Variants in FRMPD3 observed in about 807,000 individuals in gnomAD.
The protein encoded by FRMPD3 is FERM and PDZ domain-containing protein 3.
In FRMPD3, 42 loss-of-function variants were observed where a neutral mutation model predicts 97.9. That is an observed-to-expected ratio of 0.43 (90% CI 0.34 to 0.55). The LOEUF (loss-of-function observed/expected upper bound fraction) is 0.55. Among genes scored for constraint, FRMPD3 ranks in the 20% least tolerant of loss-of-function variants. FRMPD3 has a pLI of 0.03. For missense variants in FRMPD3, 1,303 were observed against 1,457.7 expected (o/e 0.89, Z 1.73); for synonymous variants, 577 against 581.1 (o/e 0.99, Z 0.10).
At chrX:107,566,099 G>A (rs766580549) in intron 12 of FRMPD3, among the ~76,000 whole-genome samples, 1 of 112,644 alleles carries the variant, frequency 8.9e-6, no homozygotes, top group Non-Finnish European at 1.9e-5. Context: ...TGTCGCCTGT[G>A]CAAAGTCTGG....
intron 1 of FRMPD3, among the ~76,000 whole-genome samples, chrX:107,525,045 C>CA (rs1056181603): frequency 6.6e-5 from 7 of 105,706 alleles, no homozygotes; most frequent in African/African-American, 2.5e-4. Flanking sequence ...CTCAGAATGT[C>CA]AAAACCTCCT....
At chrX:107,594,014 G>A (rs1924040300) in intron 13 of FRMPD3, among the ~76,000 whole-genome samples, 1 of 111,997 alleles carries the variant, frequency 8.9e-6, no homozygotes, top group Non-Finnish European at 1.9e-5. Context: ...ATGAGCATAG[G>A]CTGTGTTTTC....
At chrX:107,534,091 A>G (rs1335550760) in intron 4 of FRMPD3, among the ~76,000 whole-genome samples, 1 of 112,041 alleles carries the variant, frequency 8.9e-6, no homozygotes, top group Non-Finnish European at 1.9e-5. Context: ...GACCTGTTTC[A>G]TCATCTGTAC....
At chrX:107,460,976 G>C (rs1931460623) in intron 1 of FRMPD3, among the ~76,000 whole-genome samples, 1 of 111,994 alleles carries the variant, frequency 8.9e-6, no homozygotes, top group Non-Finnish European at 1.9e-5. Context: ...AAAAGAGGGG[G>C]TTCTTTAAAC....
At position 107,550,041 on chromosome X, in the gene FRMPD3, G is replaced by T. The variant is rs1180582783; in HGVS notation, c.403-8G>T. The stretch of plus-strand genomic sequence containing the variant: ...CGGTCTCCTTGTCCTTTCCCTGCTT[G>T]TTCACAGAAAATGATGAAGAAGGAA... On this transcript the variant is annotated splice_polypyrimidine_tract_variant and splice_region_variant and intron_variant, in intron 5 of 14. Coordinates refer to ENST00000683843, the MANE Select transcript of FRMPD3 (RefSeq NM_001388459.1). The T allele has an allele frequency of 8.7e-7, 1 of 1,146,667 alleles. No homozygotes were observed. The highest frequency in any genetic ancestry group is 2.2e-5 in the Admixed American group (1 of 45,054). 94.5% of individuals were successfully genotyped at this position (1,146,667 alleles called of 1,213,427 possible). A position where few individuals can be genotyped will look rare whatever the true frequency, so the allele number is the denominator to read the frequency against.
chrX:107,567,168 A>G (rs1922639673), intron 12 of FRMPD3, among the ~76,000 whole-genome samples: 1 of 111,226 alleles, frequency 9.0e-6, no homozygotes, highest in African/African-American at 3.3e-5. Flanking sequence ...TTTTAATTTT[A>G]GAGATGGGGG....
intron 4 of FRMPD3, among the ~76,000 whole-genome samples, chrX:107,538,564 A>AC (rs1491028845): frequency 3.0e-4 from 31 of 104,159 alleles, no homozygotes; most frequent in Non-Finnish European, 5.2e-4. Flanking sequence ...AAAAAAAAAA[A>AC]ACCACTGGAC....
Position 107,601,787 on chromosome X carries a change from C to A in FRMPD3, c.3748C>A (p.Leu1250Ile). The change falls in exon 15 of 15, where the codon CTT becomes ATT. Residue 1250 changes from leucine to isoleucine, a missense_variant. By Grantham distance (5) the Leu-to-Ile change is conservative. Transcript: ENST00000683843. ...QKVKQYELEFLEELLKPPSQG... is the reference protein window; with the variant it reads ...QKVKQYELEFIEELLKPPSQG... ...GGTAAAGCAGTATGAACTGGAGTTCCTTGAGGAACTTCTAAAGCCACCAAG... is the reference window on the plus strand; with the variant it reads ...GGTAAAGCAGTATGAACTGGAGTTCATTGAGGAACTTCTAAAGCCACCAAG... 1 of 1,210,886 alleles carries A rather than the reference C, an allele frequency of 8.3e-7. No homozygotes were observed. Among genetic ancestry groups the A allele is most frequent in the East Asian group, 3.0e-5 (1 of 33,834 alleles).
At chrX:107,471,354 A>AC in intron 1 of FRMPD3, among the ~76,000 whole-genome samples, 1 of 104,146 alleles carries the variant, frequency 9.6e-6, no homozygotes, top group South Asian at 4.5e-4. Context: ...CTAAAAAAAA[A>AC]AACGGGATAC....
chrX:107,600,321 C>T lies in FRMPD3; in HGVS notation c.2282C>T (p.Thr761Ile). 8.3e-7 allele frequency: 1 copy of T among 1,206,568 alleles called. No homozygotes were observed. The change falls in exon 15 of 15, where the codon ACA (threonine) becomes ATA (isoleucine). Residue 761 changes from threonine to isoleucine, a missense_variant. Physicochemically the swap from Thr to Ile is moderately conservative, Grantham distance 89. This residue lies in a region of FRMPD3 where 535 missense variants were observed against 618.6 expected (regional missense o/e 0.86). Transcript: ENST00000683843. ...CCTCCAGGTCTGATTGTGCTGGCCA[C>T]AATCACTCCTGAATCATCGCTGGAC... is the stretch of plus-strand genomic sequence containing the variant. Reference protein sequence around the residue: ...PQTAGLIVLATITPESSLDSG... With the variant: ...PQTAGLIVLAIITPESSLDSG...
At chrX:107,578,274 T>C (rs940618604) in intron 13 of FRMPD3, among the ~76,000 whole-genome samples, 1 of 111,634 alleles carries the variant, frequency 9.0e-6, no homozygotes, top group East Asian at 2.8e-4. Context: ...CCACCCTACC[T>C]AACAAACAGT....
chrX:107,581,402 C>T (rs1330997281), intron 13 of FRMPD3, among the ~76,000 whole-genome samples: 4 of 110,319 alleles, frequency 3.6e-5, no homozygotes, highest in South Asian at 3.9e-4. Context: ...TGAGCCACCA[C>T]GCCTAGCCTT....
At chrX:107,478,642 A>G (rs1602754703) in intron 1 of FRMPD3, among the ~76,000 whole-genome samples, 1 of 111,999 alleles carries the variant, frequency 8.9e-6, no homozygotes, top group African/African-American at 3.2e-5. Flanking sequence ...TTTCTGAAAC[A>G]AGACACAATA....
chrX:107,596,381 A>G (rs1924169701), intron 13 of FRMPD3, among the ~76,000 whole-genome samples: 1 of 112,315 alleles, frequency 8.9e-6, no homozygotes, highest in East Asian at 2.8e-4. Context: ...AGGATCATGT[A>G]TATTAGGACC....
chrX:107,479,445 TC>T (rs1403989317), intron 1 of FRMPD3, among the ~76,000 whole-genome samples: 1 of 112,410 alleles, frequency 8.9e-6, no homozygotes, highest in Non-Finnish European at 1.9e-5. Flanking sequence ...TGTGACTCAT[TC>T]CCTTCATTTT....
At chrX:107,524,995 CAA>C (rs750900204) in intron 1 of FRMPD3, among the ~76,000 whole-genome samples, 815 of 13,604 alleles carry the variant, frequency 0.06, 6 homozygotes, top group African/African-American at 0.11. Flanking sequence ...GACTCCATCT[CAA>C]AAAAAAAAAA....
intron 13 of FRMPD3, among the ~76,000 whole-genome samples, chrX:107,579,078 G>A (rs1252253588): frequency 8.9e-6 from 1 of 112,134 alleles, no homozygotes; most frequent in East Asian, 2.8e-4. Flanking sequence ...AATGCCAACT[G>A]TTGTTCCTTA....
At chrX:107,564,598 A>G (rs1358137766) in intron 11 of FRMPD3, among the ~76,000 whole-genome samples, 3 of 112,255 alleles carry the variant, frequency 2.7e-5, no homozygotes, top group African/African-American at 6.5e-5. Flanking sequence ...AACCTCACCT[A>G]CTTCACGGTT....
intron 6 of FRMPD3, 54 bp from the exon 7 acceptor site, chrX:107,552,741 A>G: frequency 8.5e-7 from 1 of 1,175,308 alleles, no homozygotes; most frequent in African/African-American, 1.8e-5. Context: ...TGATGCTTAG[A>G]ATAGCTTAGG....
Sources: gnomAD v4.1 joint callset for allele counts (sites outside exome capture counted in the v4.1 genomes callset) on GRCh38, gnomAD v4.1.1 for gene constraint, gnomAD v4.1.1 regional missense constraint, MANE v1.5 for transcripts, NCBI Gene and HGNC (gene_info 2026-07-23, HGNC 2026-07-21) for gene names.